Variants in ZNF567 observed in about 807,000 individuals in gnomAD.
ZNF567 encodes the protein zinc finger protein 567.
ZNF567 carries 36 observed loss-of-function variants against 53.9 expected under a neutral mutation model. The observed-to-expected ratio is 0.67, with a 90% confidence interval of 0.51 to 0.88. ZNF567 has a LOEUF of 0.88. Ranked by LOEUF, ZNF567 falls within the 40% of genes least tolerant of loss-of-function variation. The probability of loss-of-function intolerance (pLI) is 0.00; values close to 1 mark genes in which losing one functional copy is unlikely to be tolerated. For synonymous variants in ZNF567, 224 were observed against 260.4 expected (o/e 0.86, Z 1.35); for missense variants, 619 against 764.7 (o/e 0.81, Z 2.25).
At chr19:36,725,177 T>A (rs2040330678), downstream of ZNF567, among the ~76,000 whole-genome samples, 1 of 133,364 alleles carries the variant, frequency 7.5e-6, no homozygotes, top group Non-Finnish European at 1.6e-5. Flanking sequence ...TTTCAAGATT[T>A]TTATTTTTTG....
At position 36,720,653 on chromosome 19, in the gene ZNF567, C is replaced by T. The variant is rs747382647; in HGVS notation, c.1929C>T (p.Asn643=). 1 of 1,534,372 alleles carries T rather than the reference C, an allele frequency of 6.5e-7. No homozygotes were observed. Among genetic ancestry groups the T allele is most frequent in the Non-Finnish European group, 8.7e-7 (1 of 1,143,486 alleles). Residue 643 remains asparagine (N), a synonymous_variant, in exon 6 of 6, where the codon AAC becomes AAT. Coordinates refer to ENST00000682579, the MANE Select transcript of ZNF567 (RefSeq NM_001322917.1). ...IVHQRTHKGE[N]IEMQ Reference sequence around the variant, plus strand: ...ATCAAAGAACTCACAAGGGAGAAAACATTGAAATGCAATAAATGATGTGGT... The same window carrying T: ...ATCAAAGAACTCACAAGGGAGAAAATATTGAAATGCAATAAATGATGTGGT...
At chr19:36,691,655 A>G (rs1037238844) in intron 2 of ZNF567, among the ~76,000 whole-genome samples, 4 of 152,196 alleles carry the variant, frequency 2.6e-5, no homozygotes, top group South Asian at 2.1e-4. Flanking sequence ...CCCCCATCCA[A>G]TCACCCTGGC....
chr19:36,716,989 C>T (rs1027795489), intron 5 of ZNF567, among the ~76,000 whole-genome samples: 8 of 152,084 alleles, frequency 5.3e-5, no homozygotes, highest in African/African-American at 1.9e-4. Flanking sequence ...CCATGCCCGG[C>T]CAGCTTTTTT....
At chr19:36,712,345 G>A in intron 3 of ZNF567, 41 bp from the exon 4 acceptor site, 1 of 1,592,970 alleles carries the variant, frequency 6.3e-7, no homozygotes, top group Non-Finnish European at 8.6e-7. Context: ...ACTGTACCTG[G>A]CTAAGTCCAC....
At chr19:36,675,928 T>C in the ZNF567 span, among the ~76,000 whole-genome samples, 1 of 152,284 alleles carries the variant, frequency 6.6e-6, no homozygotes, top group African/African-American at 2.4e-5. Context: ...TATTTGTATG[T>C]ATATGTACAT....
At chr19:36,685,205 T>C (rs1049220954), upstream of ZNF567, among the ~76,000 whole-genome samples, 4 of 152,130 alleles carry the variant, frequency 2.6e-5, no homozygotes, top group African/African-American at 9.7e-5. Context: ...GGAGAATCCC[T>C]TGAACCTGGG....
chr19:36,673,101 G>A, the ZNF567 span, among the ~76,000 whole-genome samples: 1 of 152,210 alleles, frequency 6.6e-6, no homozygotes, highest in African/African-American at 2.4e-5. Flanking sequence ...CTTTATATCA[G>A]TTTTTAAGTT....
At chr19:36,682,676 T>C (rs1485806256), upstream of ZNF567, among the ~76,000 whole-genome samples, 2 of 151,150 alleles carry the variant, frequency 1.3e-5, no homozygotes, top group Non-Finnish European at 2.9e-5. Context: ...GGCACCATCT[T>C]GGCTCACTGC....
intron 2 of ZNF567, among the ~76,000 whole-genome samples, chr19:36,691,588 C>T (rs1012061327): frequency 1.3e-5 from 2 of 152,114 alleles, no homozygotes; most frequent in Non-Finnish European, 2.9e-5. Flanking sequence ...TTTTTTTAAA[C>T]TCATGTCACC....
the ZNF567 span, among the ~76,000 whole-genome samples, chr19:36,674,845 C>T: frequency 6.6e-6 from 1 of 152,102 alleles, no homozygotes; most frequent in African/African-American, 2.4e-5. Context: ...CTTCTTCCTC[C>T]TGGGCTCAAG....
chr19:36,667,743 G>T, the ZNF567 span, among the ~76,000 whole-genome samples: 27 of 148,130 alleles, frequency 1.8e-4, no homozygotes, highest in African/African-American at 6.2e-4. Context: ...TCCGCCTCCC[G>T]GGTTCACGCC....
intron 3 of ZNF567, among the ~76,000 whole-genome samples, chr19:36,704,742 CTT>C (rs2039404208): frequency 6.6e-6 from 1 of 152,096 alleles, no homozygotes; most frequent in South Asian, 2.1e-4. Context: ...ATTCTCTCCT[CTT>C]ATTATTTTCT....
the ZNF567 span, among the ~76,000 whole-genome samples, chr19:36,682,219 G>A: frequency 1.3e-5 from 2 of 150,758 alleles, no homozygotes; most frequent in Non-Finnish European, 2.9e-5. Context: ...GGAGTTTGAG[G>A]TGGCAGTGAG....
chr19:36,726,976 C>CTT (rs1485664402), downstream of ZNF567: 111 of 112,390 alleles, frequency 9.9e-4, no homozygotes, highest in East Asian at 5.8e-3. Flanking sequence ...TTCTTTCTTT[C>CTT]TTTCTTTTTC....
intron 3 of ZNF567, among the ~76,000 whole-genome samples, chr19:36,701,417 GT>G (rs1479123229): frequency 1.3e-5 from 2 of 150,982 alleles, no homozygotes; most frequent in Non-Finnish European, 3.0e-5. Context: ...GGGGTGGAGA[GT>G]TCTGTAGATG....
intron 3 of ZNF567, among the ~76,000 whole-genome samples, chr19:36,700,826 A>G (rs1388971056): frequency 6.6e-6 from 1 of 151,888 alleles, no homozygotes; most frequent in Non-Finnish European, 1.5e-5. Flanking sequence ...TTTCTTTATT[A>G]GTCTTGCTAG....
At chr19:36,692,469 C>T (rs2038667046) in intron 2 of ZNF567, among the ~76,000 whole-genome samples, 1 of 152,168 alleles carries the variant, frequency 6.6e-6, no homozygotes, top group South Asian at 2.1e-4. Context: ...AACTCCTGGG[C>T]TTAAGTGACC....
At chr19:36,667,853 G>C in the ZNF567 span, among the ~76,000 whole-genome samples, 1 of 151,886 alleles carries the variant, frequency 6.6e-6, no homozygotes, top group Non-Finnish European at 1.5e-5. Flanking sequence ...GTTTCATCGT[G>C]TTAGCCAGGA....
Position 36,719,051 on chromosome 19 carries a change from G to A in ZNF567, c.327G>A (p.Glu109=). Residue 109 remains glutamate, a synonymous_variant, in exon 6 of 6, where the codon GAG becomes GAA. Coordinates refer to ENST00000682579, the MANE Select transcript of ZNF567 (RefSeq NM_001322917.1). ...TCAACCACAAAAAACTGGTGAAGGA[G>A]AAGAGTAAAATATATGAAAAGACAT... ...VSINHKKLVK[E]KSKIYEKTFT... is the part of the protein sequence containing the mutation. The A allele has an allele frequency of 6.2e-7, 1 of 1,612,560 alleles. No individual in the cohort carries two copies. The highest frequency in any genetic ancestry group is 8.5e-7 in the Non-Finnish European group (1 of 1,179,600).
Sources: allele counts gnomAD v4.1 joint callset (sites outside exome capture counted in the v4.1 genomes callset), GRCh38; gene constraint gnomAD v4.1.1; transcripts MANE v1.5; gene names NCBI Gene and HGNC (gene_info 2026-07-23, HGNC 2026-07-21).